The following RAB11FIP3 variants were observed in gnomAD, a reference collection of about 807,000 sequenced individuals.
RAB11FIP3 encodes the protein RAB11 family interacting protein 3.
Under a neutral mutation model 77.8 loss-of-function variants are expected in RAB11FIP3, and 17 were observed. The observed-to-expected ratio is 0.22, with a 90% confidence interval of 0.15 to 0.33. RAB11FIP3 has a LOEUF of 0.33. RAB11FIP3 is among the 10% of genes least tolerant of loss of function. The pLI, the probability that RAB11FIP3 is intolerant of heterozygous loss-of-function variation, is 1.00. For missense variants in RAB11FIP3, 1,005 were observed against 1,011.2 expected, an observed-to-expected ratio of 0.99 and a Z score of 0.08; for synonymous variants, 437 against 448.2, an observed-to-expected ratio of 0.98 and a Z score of 0.31.
At chr16:456,865 G>A (rs764094077) in intron 1 of RAB11FIP3, among the ~76,000 whole-genome samples, 1 of 152,196 alleles carries the variant, frequency 6.6e-6, no homozygotes, top group Admixed American at 6.5e-5. Context: ...GCTGCTTCGC[G>A]TCTGCTTTTA....
intron 13 of RAB11FIP3, 45 bp from the exon 14 acceptor site, chr16:520,681 C>G (rs766939802): frequency 3.2e-5 from 52 of 1,612,182 alleles, no homozygotes; most frequent in Non-Finnish European, 4.3e-5. Flanking sequence ...GCGCTGTGGC[C>G]TGTGGCCCAT....
intron 9 of RAB11FIP3, among the ~76,000 whole-genome samples, chr16:513,880 T>G (rs1319070081): frequency 6.6e-6 from 1 of 152,194 alleles, no homozygotes; most frequent in African/African-American, 2.4e-5. Flanking sequence ...GACAGTGTTT[T>G]CCCCGGGCCT....
At position 442,194 on chromosome 16, in the gene RAB11FIP3, G is replaced by T. The variant is rs559910993; in HGVS notation, c.714+15474G>T. ...TGTGTTGCCCAGGCCGGAGCGCAGT[G>T]GCTGTTTATAGGCTCTGTCACAGTC... On this transcript the variant is annotated intron_variant, in intron 1 of 13. Coordinates refer to ENST00000262305, the MANE Select transcript of RAB11FIP3 (RefSeq NM_014700.4). Among the ~76,000 whole-genome samples the T allele has an allele frequency of 9.9e-5, 15 of 152,260 alleles. No homozygotes were observed. In the South Asian group the frequency reaches 3.1e-3, roughly 32 times the overall value.
chr16:462,897 T>C lies in RAB11FIP3; in HGVS notation c.808+1400T>C, dbSNP rs538639035. Among the ~76,000 whole-genome samples, 816 of 145,654 alleles carry C rather than the reference T, an allele frequency of 5.6e-3. 8 individuals are homozygous for C. The highest frequency in any genetic ancestry group is 0.02 in the African/African-American group (776 of 38,928). ...GCACAATGTCTTCCCCAGCACAATGTCTTCCCCAGCACCATCCCTTTCCCA... is the reference window on the plus strand; with the variant it reads ...GCACAATGTCTTCCCCAGCACAATGCCTTCCCCAGCACCATCCCTTTCCCA... On this transcript the variant is annotated intron_variant, in intron 2 of 13. Coordinates refer to ENST00000262305, the MANE Select transcript of RAB11FIP3 (RefSeq NM_014700.4).
intron 5 of RAB11FIP3, among the ~76,000 whole-genome samples, chr16:492,830 A>T (rs1415505615): frequency 2.0e-5 from 3 of 152,206 alleles, no homozygotes; most frequent in Non-Finnish European, 4.4e-5. Flanking sequence ...AACTAGCTCC[A>T]AGATGGCCAT....
Position 522,805 on chromosome 16 carries a change from C to T in RAB11FIP3, c.*1966C>T, listed in dbSNP as rs929370662. 2.0e-5 allele frequency: 3 copies of T among 152,348 alleles called. No individual in the cohort carries two copies. The highest frequency in any genetic ancestry group is 7.2e-5 in the African/African-American group (3 of 41,446). The allele number at this position is 152,348 out of a possible 1,614,324, so 9.4% of individuals were successfully genotyped here. A position where few individuals can be genotyped will look rare whatever the true frequency, so the allele number is the denominator to read the frequency against. ...GGGCATCAGGGCTCTGGGTCACACG[C>T]CTCTGGGGACGTACGTCCCATGTCG... On this transcript the variant is annotated 3_prime_UTR_variant, in exon 14 of 14. Transcript: ENST00000262305.
chr16:474,884 C>T (rs1596246420), intron 3 of RAB11FIP3: 1 of 1,482,922 alleles, frequency 6.7e-7, no homozygotes, highest in East Asian at 2.5e-5. Context: ...TAAACTTTCT[C>T]CTAGGTGGTG....
intron 6 of RAB11FIP3, chr16:497,589 C>T (rs753398803): frequency 1.4e-4 from 100 of 711,880 alleles, no homozygotes; most frequent in South Asian, 3.0e-4. Flanking sequence ...CCTGTTGTGC[C>T]GGGCGTTCTC....
At chr16:463,228 C>T (rs2055646536) in intron 2 of RAB11FIP3, among the ~76,000 whole-genome samples, 1 of 152,092 alleles carries the variant, frequency 6.6e-6, no homozygotes, top group African/African-American at 2.4e-5. Context: ...TTCCCTCCTT[C>T]ATGCACGTGC....
chr16:435,506 T>C (rs1238594287), intron 1 of RAB11FIP3, among the ~76,000 whole-genome samples: 1 of 152,258 alleles, frequency 6.6e-6, no homozygotes, highest in Non-Finnish European at 1.5e-5. Flanking sequence ...GATAGAGTGA[T>C]GTACTAAATA....
intron 5 of RAB11FIP3, among the ~76,000 whole-genome samples, chr16:493,871 C>CG (rs1567394176): frequency 7.0e-6 from 1 of 142,216 alleles, no homozygotes; most frequent in Admixed American, 7.1e-5. Context: ...GGATTACAGG[C>CG]TGAGCCACTG....
chr16:460,189 C>T (rs1469086304), intron 1 of RAB11FIP3, among the ~76,000 whole-genome samples: 3 of 152,122 alleles, frequency 2.0e-5, no homozygotes, highest in Non-Finnish European at 4.4e-5. Context: ...GAGTTGTCTT[C>T]TTAATTATAA....
At chr16:484,010 C>T (rs1276025291) in intron 4 of RAB11FIP3, among the ~76,000 whole-genome samples, 1 of 152,146 alleles carries the variant, frequency 6.6e-6, no homozygotes, top group Admixed American at 6.5e-5. Context: ...TGGGCACATG[C>T]TCTCAGGGCT....
intron 8 of RAB11FIP3, 172 bp from the exon 9 acceptor site, chr16:510,488 T>G: frequency 1.4e-6 from 1 of 692,142 alleles, no homozygotes. Flanking sequence ...CATCTGGGGG[T>G]GTATTCGCTG....
intron 3 of RAB11FIP3, among the ~76,000 whole-genome samples, chr16:477,211 G>A (rs940371161): frequency 6.6e-6 from 1 of 151,954 alleles, no homozygotes; most frequent in East Asian, 1.9e-4. Flanking sequence ...CCAAGATGGC[G>A]CCACTGCACT....
rs1017333498 is a variant in RAB11FIP3, at chr16:502,757, C to T, written c.1302-247C>T. 2.2e-5 allele frequency: 12 copies of T among 546,834 alleles called. No homozygotes were observed. In the East Asian group the frequency reaches 3.3e-4, roughly 15 times the overall value. 33.9% of individuals were successfully genotyped at this position (546,834 alleles called of 1,614,324 possible). On this transcript the variant is annotated intron_variant, in intron 6 of 13. Coordinates refer to ENST00000262305, the MANE Select transcript of RAB11FIP3 (RefSeq NM_014700.4). ...TGTTCTGTCAGGTTCCAAAGAGCGC[C>T]AGGAAGACTCTGAGACCACAGAGCA...
intron 6 of RAB11FIP3, among the ~76,000 whole-genome samples, chr16:502,002 T>C (rs1166460675): frequency 6.6e-6 from 1 of 151,898 alleles, no homozygotes; most frequent in Admixed American, 6.6e-5. Context: ...CCCCATTTCA[T>C]AGGCAAGGAA....
At position 505,672 on chromosome 16, in the gene RAB11FIP3, G is replaced by A. The variant is rs1596292215; in HGVS notation, c.1499+45G>A. The stretch of plus-strand genomic sequence containing the variant: ...CCCGGGCCTCTGCGTGGCGCCTCCT[G>A]TGCCCGCCTGTCAGCCCCCATTTAC... On this transcript the variant is annotated intron_variant, in intron 8 of 13. Coordinates refer to ENST00000262305, the MANE Select transcript of RAB11FIP3 (RefSeq NM_014700.4). This position sits in a 1 kb window ranked among gnomAD's most constrained non-coding sequence, Gnocchi z 4.0. 1.2e-5 allele frequency: 18 copies of A among 1,449,968 alleles called. No homozygotes were observed. The highest frequency in any genetic ancestry group is 1.6e-5 in the Non-Finnish European group (17 of 1,070,868). The allele number at this position is 1,449,968 out of a possible 1,614,324, so 89.8% of individuals were successfully genotyped here. A position where few individuals can be genotyped will look rare whatever the true frequency, so the allele number is the denominator to read the frequency against.
At chr16:483,453 A>AAT (rs1450885109) in intron 4 of RAB11FIP3, among the ~76,000 whole-genome samples, 1 of 152,164 alleles carries the variant, frequency 6.6e-6, no homozygotes, top group African/African-American at 2.4e-5. Context: ...ATTCACATTA[A>AAT]ACAGACTCTG....
Sources: gnomAD v4.1 joint callset for allele counts (sites outside exome capture counted in the v4.1 genomes callset) on GRCh38, gnomAD v4.1.1 for gene constraint, Gnocchi (gnomAD v3.1) non-coding constraint, MANE v1.5 for transcripts, NCBI Gene and HGNC (gene_info 2026-07-23, HGNC 2026-07-21) for gene names.